RBM3: variants seen among roughly 807,000 people sequenced by gnomAD.
The protein encoded by RBM3 is RNA-binding protein 3.
RBM3 carries 3 observed loss-of-function variants against 12.0 expected under a neutral mutation model. The observed-to-expected ratio is 0.25, with a 90% confidence interval of 0.11 to 0.65. The LOEUF (loss-of-function observed/expected upper bound fraction) is 0.65. Among genes scored for constraint, RBM3 ranks in the 30% least tolerant of loss-of-function variants. The probability of loss-of-function intolerance (pLI) is 0.84; values close to 1 mark genes in which losing one functional copy is unlikely to be tolerated. For missense variants in RBM3, 108 were observed against 134.5 expected, an observed-to-expected ratio of 0.80 and a Z score of 0.97; for synonymous variants, 58 against 45.7, an observed-to-expected ratio of 1.27 and a Z score of -1.08.
In RBM3 at chrX:48,580,308, C is replaced by A. The variant is rs1218444160; in HGVS notation, c.*2867C>A. On this transcript the variant is annotated 3_prime_UTR_variant, in exon 7 of 7. Coordinates refer to ENST00000376759, the MANE Select transcript of RBM3 (RefSeq NM_006743.5). ...AGGCAGAAATCACTTCAGATCCTTGCTTCCTAGTTTAATTTCTTCTCTGCC... is the reference window on the plus strand; with the variant it reads ...AGGCAGAAATCACTTCAGATCCTTGATTCCTAGTTTAATTTCTTCTCTGCC... 8.9e-6 allele frequency among the ~76,000 whole-genome samples: 1 copy of A among 111,939 alleles called. No individual in the cohort carries two copies. Among genetic ancestry groups the A allele is most frequent in the Non-Finnish European group, 1.9e-5 (1 of 53,188 alleles).
intron 3 of RBM3, 32 bp downstream of exon 3, chrX:48,575,699 C>A: frequency 4.4e-6 from 5 of 1,139,166 alleles, no homozygotes; most frequent in Non-Finnish European, 4.8e-6. Context: ...GGGACCTTGT[C>A]CCCATCTGCG....
intron 3 of RBM3, 146 bp downstream of exon 3, chrX:48,575,813 A>G (rs1556989122): frequency 3.3e-6 from 2 of 611,422 alleles, no homozygotes; most frequent in Non-Finnish European, 5.0e-6. Flanking sequence ...CTTTTGTTCT[A>G]GGGGGTGGAG....
At chrX:48,576,640 C>G (rs1230191676) in intron 5 of RBM3, 36 bp downstream of exon 5, 1 of 1,155,954 alleles carries the variant, frequency 8.7e-7, no homozygotes, top group African/African-American at 1.8e-5. Context: ...TCTCCTATTG[C>G]TTCCCTCTCC....
At position 48,574,501 on chromosome X, in the gene RBM3, G is replaced by C. The variant is rs984394838; in HGVS notation, c.-86G>C. 3.0e-6 allele frequency: 1 copy of C among 328,933 alleles called. No individual in the cohort carries two copies. The highest frequency in any genetic ancestry group is 5.9e-6 in the Non-Finnish European group (1 of 169,364). The allele number at this position is 328,933 out of a possible 1,213,427, so 27.1% of individuals were successfully genotyped here. A position where few individuals can be genotyped will look rare whatever the true frequency, so the allele number is the denominator to read the frequency against. ...TACTCTTTATCAATCGTCTTCCGGC[G>C]CAGCCCCGTCCCTGTTTTTTGTGCT... On this transcript the variant is annotated 5_prime_UTR_variant, in exon 1 of 7. Coordinates refer to ENST00000376759, the MANE Select transcript of RBM3 (RefSeq NM_006743.5).
intron 3 of RBM3, 26 bp downstream of exon 3, chrX:48,575,693 C>T (rs782134118): frequency 1.6e-5 from 19 of 1,153,084 alleles, no homozygotes; most frequent in Non-Finnish European, 2.2e-5. Flanking sequence ...TGCAGAGGGA[C>T]CTTGTCCCCA....
rs1004377349 is a variant in RBM3, at chrX:48,579,601, A to G, written c.*2160A>G. 9.0e-6 allele frequency among the ~76,000 whole-genome samples: 1 copy of G among 111,466 alleles called. No homozygotes were observed. The highest frequency in any genetic ancestry group is 1.9e-5 in the Non-Finnish European group (1 of 53,070). ...GCCTTTAGGGAGCTAAGGCAGTGAG[A>G]ATTGGCAGGAGGACTGCTGTGAATG... On this transcript the variant is annotated 3_prime_UTR_variant, in exon 7 of 7. Coordinates refer to ENST00000376759, the MANE Select transcript of RBM3 (RefSeq NM_006743.5).
At chrX:48,575,009 C>T (rs782307858) in intron 1 of RBM3, 159 bp from the exon 2 acceptor site, 2 of 467,202 alleles carry the variant, frequency 4.3e-6, no homozygotes, top group East Asian at 3.7e-5. Context: ...AGATTACCAC[C>T]TTATTGGCCG....
chrX:48,576,433 TC>T lies in RBM3; in HGVS notation c.316+15del, dbSNP rs2062080314. The T allele has an allele frequency of 8.3e-7, 1 of 1,203,778 alleles. No homozygotes were observed. Among genetic ancestry groups the T allele is most frequent in the African/African-American group, 1.8e-5 (1 of 57,005 alleles). The stretch of plus-strand genomic sequence containing the variant: ...GCTACTCTAGAGGTGAGTGCAGTGA[TC>T]GTTTTGATCATGGGGTGAGAGGGAG... On this transcript the variant is annotated intron_variant, in intron 4 of 6. Transcript: ENST00000376759.
At position 48,580,317 on chromosome X, in the gene RBM3, T is replaced by G. The variant is rs2062096960; in HGVS notation, c.*2876T>G. Reference sequence around the variant, plus strand: ...TCACTTCAGATCCTTGCTTCCTAGTTTAATTTCTTCTCTGCCTCAGTTATA... The same window carrying G: ...TCACTTCAGATCCTTGCTTCCTAGTGTAATTTCTTCTCTGCCTCAGTTATA... On this transcript the variant is annotated 3_prime_UTR_variant, in exon 7 of 7. Transcript: ENST00000376759. Among the ~76,000 whole-genome samples, 1 of 111,868 alleles carries G rather than the reference T, an allele frequency of 8.9e-6. No homozygotes were observed. Among genetic ancestry groups the G allele is most frequent in the Non-Finnish European group, 1.9e-5 (1 of 53,200 alleles).
rs1959971857 is a variant in RBM3 at position 48,580,569 on chromosome X, G to A, written c.*3128G>A. The stretch of plus-strand genomic sequence containing the variant: ...CTGCCACCACGCCCGGCTAATTTTT[G>A]TATTAATAGAGACAGGGTTTCACCG... On this transcript the variant is annotated 3_prime_UTR_variant, in exon 7 of 7. Transcript: ENST00000376759. 9.0e-6 allele frequency among the ~76,000 whole-genome samples: 1 copy of A among 111,192 alleles called. No individual in the cohort carries two copies. Among genetic ancestry groups the A allele is most frequent in the Admixed American group, 9.6e-5 (1 of 10,383 alleles).
chrX:48,577,207 C>A, intron 6 of RBM3, 98 bp downstream of exon 6: 1 of 1,167,785 alleles, frequency 8.6e-7, no homozygotes, highest in Admixed American at 2.5e-5. Flanking sequence ...TTCTGCTGCC[C>A]TCATACCTCA....
chrX:48,575,850 C>A, intron 3 of RBM3, 183 bp downstream of exon 3: 1 of 542,028 alleles, frequency 1.8e-6, no homozygotes, highest in Non-Finnish European at 2.9e-6. Flanking sequence ...GCCTGGCCGC[C>A]TGGGAGGCGA....
At position 48,580,424 on chromosome X, in the gene RBM3, TCTCA is replaced by T. The variant is rs1556990212; in HGVS notation, c.*2987_*2990del. On this transcript the variant is annotated 3_prime_UTR_variant, in exon 7 of 7. Transcript: ENST00000376759. ...TTTGTTGGTTTTTTTCCAGACAGGGTCTCACTCTGTCTCCCAGGCTGGAGTGCAG... is the reference window on the plus strand; with the variant it reads ...TTTGTTGGTTTTTTTCCAGACAGGGTCTCTGTCTCCCAGGCTGGAGTGCAG... Among the ~76,000 whole-genome samples the T allele has an allele frequency of 1.8e-5, 2 of 111,063 alleles. No homozygotes were observed. The highest frequency in any genetic ancestry group is 9.7e-5 in the Admixed American group (1 of 10,345).
chrX:48,577,150 C>A (rs2062084569), intron 6 of RBM3, 41 bp downstream of exon 6: 2 of 1,206,301 alleles, frequency 1.7e-6, no homozygotes, highest in Admixed American at 2.2e-5. Flanking sequence ...CTGTTTGTCA[C>A]ACTCTGTCAT....
chrX:48,575,759 T>A, intron 3 of RBM3, 92 bp downstream of exon 3: 3 of 869,590 alleles, frequency 3.4e-6, no homozygotes, highest in Non-Finnish European at 4.9e-6. Flanking sequence ...CGGGGCAGCG[T>A]GGCCACCAAG....
At chrX:48,575,842 C>T in intron 3 of RBM3, 175 bp downstream of exon 3, 2 of 556,826 alleles carry the variant, frequency 3.6e-6, no homozygotes, top group Non-Finnish European at 5.6e-6. Flanking sequence ...CAGACAGAGC[C>T]TGGCCGCCTG....
intron 3 of RBM3, 45 bp from the exon 4 acceptor site, chrX:48,576,269 C>T (rs1556989184): frequency 1.7e-6 from 2 of 1,181,884 alleles, no homozygotes; most frequent in Non-Finnish European, 2.3e-6. Context: ...TCACCATTGC[C>T]CTGACTGACT....
Position 48,580,981 on chromosome X carries a change from C to T in RBM3, c.*3540C>T, listed in dbSNP as rs2062099312. ...TTTGGTGGTAAGACCTGACCTGAGGCTTCTTATAACCTTTACTCAGTGGGA... is the reference window on the plus strand; with the variant it reads ...TTTGGTGGTAAGACCTGACCTGAGGTTTCTTATAACCTTTACTCAGTGGGA... On this transcript the variant is annotated 3_prime_UTR_variant, in exon 7 of 7. Coordinates refer to ENST00000376759, the MANE Select transcript of RBM3 (RefSeq NM_006743.5). 1 of 93,325 alleles carries T rather than the reference C, an allele frequency of 1.1e-5. No individual in the cohort carries two copies. The highest frequency in any genetic ancestry group is 1.5e-4 in the Admixed American group (1 of 6,810). The allele number at this position is 93,325 out of a possible 1,213,427, so 7.7% of individuals were successfully genotyped here. A position where few individuals can be genotyped will look rare whatever the true frequency, so the allele number is the denominator to read the frequency against.
Position 48,577,630 on chromosome X carries a change from T to C in RBM3, c.*189T>C. ...GACCTTTTAGACAGTTCCATCTTTT[T>C]TTTTAAATTTTTTCTGCCTATTTAA... On this transcript the variant is annotated 3_prime_UTR_variant, in exon 7 of 7. Coordinates refer to ENST00000376759, the MANE Select transcript of RBM3 (RefSeq NM_006743.5). 1 of 355,669 alleles carries C rather than the reference T, an allele frequency of 2.8e-6. No individual in the cohort carries two copies. Among genetic ancestry groups the C allele is most frequent in the South Asian group, 5.6e-5 (1 of 17,763 alleles). The allele number at this position is 355,669 out of a possible 1,213,427, so 29.3% of individuals were successfully genotyped here.
Sources: gnomAD v4.1 joint callset for allele counts (sites outside exome capture counted in the v4.1 genomes callset) on GRCh38, gnomAD v4.1.1 for gene constraint, MANE v1.5 for transcripts, NCBI Gene and HGNC (gene_info 2026-07-23, HGNC 2026-07-21) for gene names.